Variants in ACOXL observed in about 807,000 individuals in gnomAD.
ACOXL encodes the protein acyl-coenzyme A oxidase-like protein.
A neutral mutation model predicts 71.9 loss-of-function variants in ACOXL; 70 were observed. The ratio of observed to expected loss-of-function variants is 0.97; its 90% CI spans 0.80 to 1.19. The LOEUF (loss-of-function observed/expected upper bound fraction) is 1.19, where lower values mean the gene tolerates loss of function less well. ACOXL is among the 50% of genes most tolerant of loss of function. ACOXL has a pLI of 0.00. For synonymous variants in ACOXL, 253 were observed against 281.6 expected (o/e 0.90, Z 1.02); for missense variants, 703 against 736.3 (o/e 0.95, Z 0.52).
intron 10 of ACOXL, among the ~76,000 whole-genome samples, chr2:110,900,232 T>C (rs2059180315): frequency 1.3e-5 from 2 of 152,124 alleles, no homozygotes; most frequent in Admixed American, 1.3e-4. Flanking sequence ...ACCCTGAAGC[T>C]CTTTTTACAA....
chr2:111,059,825 G>A (rs944258654), intron 16 of ACOXL, among the ~76,000 whole-genome samples: 21 of 151,608 alleles, frequency 1.4e-4, no homozygotes, highest in Admixed American at 8.5e-4. Context: ...GAAGGAAGAG[G>A]AAGAGAGAAA....
chr2:110,941,158 C>A (rs2060853863), intron 12 of ACOXL, among the ~76,000 whole-genome samples: 1 of 152,114 alleles, frequency 6.6e-6, no homozygotes, highest in African/African-American at 2.4e-5. Flanking sequence ...AGAATCATTG[C>A]TAAGTATTGC....
intron 14 of ACOXL, among the ~76,000 whole-genome samples, chr2:111,003,717 T>C (rs1018722705): frequency 6.6e-6 from 1 of 152,126 alleles, no homozygotes; most frequent in Admixed American, 6.5e-5. Flanking sequence ...CACTAAAAAT[T>C]ATAAACCTTG....
intron 16 of ACOXL, among the ~76,000 whole-genome samples, chr2:111,081,174 A>C (rs1396751910): frequency 6.6e-6 from 1 of 152,214 alleles, no homozygotes. Flanking sequence ...TGGCCAGGGC[A>C]ATCAGGCAAG....
chr2:110,910,032 GT>G (rs984143406), intron 11 of ACOXL, among the ~76,000 whole-genome samples: 1 of 152,050 alleles, frequency 6.6e-6, no homozygotes, highest in Admixed American at 6.6e-5. Flanking sequence ...TTAGTTTTTA[GT>G]GGAGTGAGTT....
At chr2:110,958,653 G>A (rs1478353194) in intron 12 of ACOXL, among the ~76,000 whole-genome samples, 1 of 152,238 alleles carries the variant, frequency 6.6e-6, no homozygotes. Flanking sequence ...AGGGCACTGA[G>A]GGATCCCATG....
chr2:110,798,768 T>G (rs1235930936), intron 6 of ACOXL, 44 bp downstream of exon 6: 1 of 1,556,262 alleles, frequency 6.4e-7, no homozygotes, highest in Non-Finnish European at 8.9e-7. Flanking sequence ...TCTTCATTAG[T>G]ACTATTTACC....
intron 9 of ACOXL, among the ~76,000 whole-genome samples, chr2:110,821,005 G>A (rs1052063665): frequency 1.2e-4 from 18 of 152,126 alleles, no homozygotes; most frequent in African/African-American, 4.1e-4. Context: ...ATTCACCTTC[G>A]GATCTCCTGT....
chr2:110,995,493 C>T (rs762094437), intron 13 of ACOXL, among the ~76,000 whole-genome samples: 115 of 2,778 alleles, frequency 0.041, 1 homozygote, highest in Non-Finnish European at 0.068. Context: ...GAGTGAGACT[C>T]TGTCTCAAAA....
At chr2:110,824,673 G>C (rs757003813) in intron 9 of ACOXL, among the ~76,000 whole-genome samples, 1 of 151,624 alleles carries the variant, frequency 6.6e-6, no homozygotes, top group African/African-American at 2.4e-5. Flanking sequence ...CTTATTTCTT[G>C]TTTTTATCTT....
At chr2:110,798,258 CTTTT>C (rs112847463) in intron 5 of ACOXL, among the ~76,000 whole-genome samples, 1 of 137,958 alleles carries the variant, frequency 7.2e-6, no homozygotes, top group Non-Finnish European at 1.6e-5. Flanking sequence ...GTATTCATTG[CTTTT>C]TTTTTTTTTT....
intron 10 of ACOXL, among the ~76,000 whole-genome samples, chr2:110,869,947 C>T (rs897800615): frequency 1.4e-4 from 21 of 152,342 alleles, no homozygotes; most frequent in Non-Finnish European, 2.1e-4. Context: ...TGCTCAGGGC[C>T]ACCTTCAGGC....
chr2:110,751,213 A>G (rs1219817170), intron 1 of ACOXL, among the ~76,000 whole-genome samples: 1 of 149,288 alleles, frequency 6.7e-6, no homozygotes, highest in Non-Finnish European at 1.5e-5. Flanking sequence ...AGGCAGGAGA[A>G]TGGCGTGAAC....
chr2:111,117,919 C>T lies in ACOXL; in HGVS notation c.*103C>T. 2 of 1,328,700 alleles carry T rather than the reference C, an allele frequency of 1.5e-6. No homozygotes were observed. 82.3% of individuals were successfully genotyped at this position (1,328,700 alleles called of 1,614,324 possible). Reference sequence around the variant, plus strand: ...AGGCCGGGGGCTGGCACCCGCTGGGCCGCCACTCTCGGGGATTTTGGTGGC... The same window carrying T: ...AGGCCGGGGGCTGGCACCCGCTGGGTCGCCACTCTCGGGGATTTTGGTGGC... On this transcript the variant is annotated 3_prime_UTR_variant, in exon 18 of 18. Coordinates refer to ENST00000439055, the MANE Select transcript of ACOXL (RefSeq NM_001142807.4).
chr2:110,942,732 A>C (rs2060910904), intron 12 of ACOXL, among the ~76,000 whole-genome samples: 1 of 151,504 alleles, frequency 6.6e-6, no homozygotes, highest in African/African-American at 2.4e-5. Context: ...CTACTAAAAA[A>C]AAAAAAAAGT....
rs568487965 is a variant in ACOXL at position 110,916,831 on chromosome 2, A to G, written c.905+7926A>G. On this transcript the variant is annotated intron_variant, in intron 11 of 17. Transcript: ENST00000439055. ...AGAAGAAATGGATAAATTCCTGGACACATACACCCTCCCAAGTCTAAACCA... is the reference window on the plus strand; with the variant it reads ...AGAAGAAATGGATAAATTCCTGGACGCATACACCCTCCCAAGTCTAAACCA... Among the ~76,000 whole-genome samples the G allele has an allele frequency of 2.6e-5, 4 of 152,338 alleles. No homozygotes were observed. In the East Asian group the frequency reaches 7.7e-4, roughly 29 times the overall value.
At chr2:110,847,861 G>C (rs539402874) in intron 10 of ACOXL, among the ~76,000 whole-genome samples, 4 of 152,218 alleles carry the variant, frequency 2.6e-5, no homozygotes, top group Non-Finnish European at 5.9e-5. Context: ...GTACAGACCC[G>C]GGGTGATTAA....
intron 1 of ACOXL, among the ~76,000 whole-genome samples, chr2:110,755,796 GAAAGCAT>G (rs1679596556): frequency 6.6e-6 from 1 of 152,028 alleles, no homozygotes. Flanking sequence ...TCAAAAGTCA[GAAAGCAT>G]AAAAAAATAG....
rs552215516 is a variant in ACOXL, at chr2:111,003,812, G to A, written c.1281+7808G>A. On this transcript the variant is annotated intron_variant, in intron 14 of 17. Coordinates refer to ENST00000439055, the MANE Select transcript of ACOXL (RefSeq NM_001142807.4). Reference sequence around the variant, plus strand: ...AATAAATATTCATTAAGCACAGATAGTTTTCTAGGGCCTGGAAGGGGAAGA... The same window carrying A: ...AATAAATATTCATTAAGCACAGATAATTTTCTAGGGCCTGGAAGGGGAAGA... 2.0e-4 allele frequency among the ~76,000 whole-genome samples: 31 copies of A among 152,252 alleles called. No homozygotes were observed. In the South Asian group the frequency reaches 6.2e-3, roughly 31 times the overall value.
Sources: gnomAD v4.1 joint callset for allele counts (sites outside exome capture counted in the v4.1 genomes callset) on GRCh38, gnomAD v4.1.1 for gene constraint, MANE v1.5 for transcripts, NCBI Gene and HGNC (gene_info 2026-07-23, HGNC 2026-07-21) for gene names.